Variants in NINL observed in about 807,000 individuals in gnomAD.
The protein encoded by NINL is ninein like.
In NINL, 153 loss-of-function variants were observed where a neutral mutation model predicts 160.3. The observed-to-expected ratio is 0.95, with a 90% CI of 0.84 to 1.09. NINL has a LOEUF of 1.09. Ranked by LOEUF, NINL falls within the 50% of genes least tolerant of loss-of-function variation. The pLI, the probability that NINL is intolerant of heterozygous loss-of-function variation, is 0.00. For synonymous variants in NINL, 800 were observed against 734.8 expected, an observed-to-expected ratio of 1.09 and a Z score of -1.43; for missense variants, 1,829 against 1,764.0, an observed-to-expected ratio of 1.04 and a Z score of -0.66.
chr20:25,567,747 T>C (rs1423429390), intron 1 of NINL, among the ~76,000 whole-genome samples: 1 of 152,056 alleles, frequency 6.6e-6, no homozygotes, highest in African/African-American at 2.4e-5. Flanking sequence ...CAGACCATAA[T>C]AAAATTAAAT....
intron 18 of NINL, among the ~76,000 whole-genome samples, chr20:25,468,389 GT>G (rs2062971816): frequency 1.4e-5 from 2 of 145,550 alleles, no homozygotes; most frequent in African/African-American, 5.2e-5. Context: ...TCCCTGCTCT[GT>G]CCCCCGACTC....
At chr20:25,496,927 CA>C (rs2063767928) in intron 9 of NINL, 124 bp from the exon 10 acceptor site, 6 of 1,251,230 alleles carry the variant, frequency 4.8e-6, no homozygotes, top group Non-Finnish European at 6.6e-6. Flanking sequence ...ATACAGCGGG[CA>C]CTGCTCCACC....
chr20:25,540,478 T>C (rs114056356), intron 1 of NINL, among the ~76,000 whole-genome samples: 1,867 of 152,146 alleles, frequency 0.012, 34 homozygotes, highest in African/African-American at 0.04. Context: ...ACGAGGGAAT[T>C]TAAGCTATGC....
intron 10 of NINL, among the ~76,000 whole-genome samples, chr20:25,494,744 T>C (rs1358966531): frequency 1.3e-5 from 2 of 152,086 alleles, no homozygotes; most frequent in Admixed American, 1.3e-4. Flanking sequence ...CCTGAGGACA[T>C]GGGTTATGGA....
At chr20:25,483,417 G>C (rs2063440480) in intron 13 of NINL, among the ~76,000 whole-genome samples, 2 of 152,268 alleles carry the variant, frequency 1.3e-5, no homozygotes, top group Non-Finnish European at 2.9e-5. Context: ...TGGAACTGCA[G>C]TGGTGCTGCA....
At chr20:25,578,437 C>T (rs749825553) in intron 1 of NINL, among the ~76,000 whole-genome samples, 7 of 152,074 alleles carry the variant, frequency 4.6e-5, no homozygotes, top group South Asian at 2.1e-4. Flanking sequence ...GGCGCACACA[C>T]GCACACAAAG....
At chr20:25,500,761 G>A (rs1020285756) in intron 8 of NINL, 79 bp downstream of exon 8, 49 of 1,513,750 alleles carry the variant, frequency 3.2e-5, no homozygotes, top group Non-Finnish European at 4.0e-5. Flanking sequence ...CCTGGCTTGG[G>A]ACGCTCCATC....
At chr20:25,558,692 C>T (rs571427152) in intron 1 of NINL, among the ~76,000 whole-genome samples, 1 of 152,324 alleles carries the variant, frequency 6.6e-6, no homozygotes, top group African/African-American at 2.4e-5. Context: ...TTTGCTCTTA[C>T]ATTTTAAAAT....
In NINL at chr20:25,504,876, T is replaced by C; in HGVS notation, c.708+12A>G. The C allele has an allele frequency of 1.9e-6, 3 of 1,609,528 alleles. No homozygotes were observed. The highest frequency in any genetic ancestry group is 2.5e-6 in the Non-Finnish European group (3 of 1,179,796). ...AGGAATATGTGGCTGGGTGGCCTGCTGTGCCCCTCACCTCTTTCTCGAGTC... is the reference window on the plus strand; with the variant it reads ...AGGAATATGTGGCTGGGTGGCCTGCCGTGCCCCTCACCTCTTTCTCGAGTC... On this transcript the variant is annotated intron_variant, in intron 6 of 23. Coordinates refer to ENST00000278886, the MANE Select transcript of NINL (RefSeq NM_025176.6).
At chr20:25,454,842 G>A (rs2090627406) in intron 23 of NINL, among the ~76,000 whole-genome samples, 1 of 152,056 alleles carries the variant, frequency 6.6e-6, no homozygotes, top group Non-Finnish European at 1.5e-5. Context: ...CTCATTTTTG[G>A]TCTTTGCTCC....
At chr20:25,547,916 A>C (rs1304227313) in intron 1 of NINL, among the ~76,000 whole-genome samples, 2 of 152,224 alleles carry the variant, frequency 1.3e-5, no homozygotes, top group East Asian at 3.9e-4. Flanking sequence ...TTTAACGTGC[A>C]TTTCCCAAAA....
chr20:25,464,504 C>G (rs1335602359), intron 19 of NINL, among the ~76,000 whole-genome samples: 3 of 152,180 alleles, frequency 2.0e-5, no homozygotes, highest in Non-Finnish European at 4.4e-5. Context: ...AAGACTAGAA[C>G]ATCACCAGGG....
At chr20:25,482,297 G>A (rs557303456) in intron 13 of NINL, among the ~76,000 whole-genome samples, 197 bp from the exon 14 acceptor site, 32 of 152,292 alleles carry the variant, frequency 2.1e-4, no homozygotes, top group African/African-American at 7.5e-4. Context: ...CAAAACAAAG[G>A]TCCTTTCTTG....
rs544364835 is a variant in NINL at position 25,544,144 on chromosome 20, G to C, written c.-11-17546C>G. The stretch of plus-strand genomic sequence containing the variant: ...GTGGTGACAAACCCACACTCACCTA[G>C]CCTCACTCACACATATTCTCACTTC... On this transcript the variant is annotated intron_variant, in intron 1 of 23. Transcript: ENST00000278886. Among the ~76,000 whole-genome samples, 11 of 151,904 alleles carry C rather than the reference G, an allele frequency of 7.2e-5. 1 individual carries two copies. Among genetic ancestry groups the C allele is most frequent in the Non-Finnish European group, 1.3e-4 (9 of 68,020 alleles).
chr20:25,496,228 A>G (rs1601146600), intron 10 of NINL, among the ~76,000 whole-genome samples: 1 of 152,220 alleles, frequency 6.6e-6, no homozygotes, highest in Non-Finnish European at 1.5e-5. Context: ...CTGTCCCCGC[A>G]TCGGGGTCAC....
chr20:25,494,086 C>A (rs2063698682), intron 10 of NINL, among the ~76,000 whole-genome samples: 1 of 151,322 alleles, frequency 6.6e-6, no homozygotes, highest in South Asian at 2.1e-4. Flanking sequence ...CAGCACCCCC[C>A]ACTGCACCCC....
chr20:25,558,723 G>C (rs2064898025), intron 1 of NINL, among the ~76,000 whole-genome samples: 2 of 152,174 alleles, frequency 1.3e-5, no homozygotes, highest in Admixed American at 6.5e-5. Flanking sequence ...CACACCAAGG[G>C]ACAAGAGGTC....
chr20:25,510,912 A>G (rs2064058286), intron 4 of NINL, among the ~76,000 whole-genome samples, 172 bp from the exon 5 acceptor site: 1 of 152,216 alleles, frequency 6.6e-6, no homozygotes, highest in African/African-American at 2.4e-5. Context: ...CATGCCAGCT[A>G]GCAGACCCAG....
intron 1 of NINL, among the ~76,000 whole-genome samples, chr20:25,532,898 A>T (rs1315058675): frequency 6.6e-6 from 1 of 152,122 alleles, no homozygotes; most frequent in Non-Finnish European, 1.5e-5. Flanking sequence ...GTCTTTCCGT[A>T]ACCTCTCAAA....
Sources: allele counts gnomAD v4.1 joint callset (sites outside exome capture counted in the v4.1 genomes callset), GRCh38; gene constraint gnomAD v4.1.1; transcripts MANE v1.5; gene names NCBI Gene and HGNC (gene_info 2026-07-23, HGNC 2026-07-21).